Variants in EYA2 observed in about 807,000 individuals in gnomAD.
The protein encoded by EYA2 is EYA transcriptional coactivator and phosphatase 2, also known as protein phosphatase EYA2.
A neutral mutation model predicts 69.2 loss-of-function variants in EYA2; 31 were observed. That is an observed-to-expected ratio of 0.45 (90% CI 0.34 to 0.60). The LOEUF (loss-of-function observed/expected upper bound fraction) is 0.60. Ranked by LOEUF, EYA2 falls within the 20% of genes least tolerant of loss-of-function variation. The probability of loss-of-function intolerance (pLI) is 0.02; values close to 1 mark genes in which losing one functional copy is unlikely to be tolerated. For missense variants in EYA2, 622 were observed against 701.2 expected (o/e 0.89, Z 1.28); for synonymous variants, 257 against 279.4 (o/e 0.92, Z 0.80).
chr20:47,178,003 C>T (rs2034455689), intron 12 of EYA2, among the ~76,000 whole-genome samples: 1 of 152,164 alleles, frequency 6.6e-6, no homozygotes, highest in South Asian at 2.1e-4. Flanking sequence ...CTGGAGAGAT[C>T]AGGTTAGACC....
chr20:47,051,126 C>T (rs1001556506), intron 5 of EYA2, among the ~76,000 whole-genome samples: 11 of 152,268 alleles, frequency 7.2e-5, no homozygotes, highest in East Asian at 1.9e-4. Flanking sequence ...TGCCCTGGGG[C>T]GAGACCCTAG....
At chr20:47,162,100 T>C (rs2034080363) in intron 10 of EYA2, among the ~76,000 whole-genome samples, 1 of 152,112 alleles carries the variant, frequency 6.6e-6, no homozygotes, top group Non-Finnish European at 1.5e-5. Flanking sequence ...TGTCACCCGG[T>C]CTCTGTCCTC....
intron 4 of EYA2, among the ~76,000 whole-genome samples, chr20:47,009,530 TA>T (rs1488624707): frequency 6.6e-6 from 1 of 152,238 alleles, no homozygotes; most frequent in Non-Finnish European, 1.5e-5. Flanking sequence ...CCATTCAATT[TA>T]AAAAATAAAG....
At chr20:46,998,120 A>T in intron 2 of EYA2, 1 of 165,116 alleles carries the variant, frequency 6.1e-6, no homozygotes, top group South Asian at 1.7e-4. Flanking sequence ...GGCACTGCCA[A>T]GGCTGTGGCA....
rs911071731 is a variant in EYA2, at chr20:46,987,252, A to G, written c.-10-2749A>G. 3.9e-5 allele frequency among the ~76,000 whole-genome samples: 6 copies of G among 152,302 alleles called. No homozygotes were observed. The East Asian group carries it at 1.2e-3, about 29-fold the overall frequency. On this transcript the variant is annotated intron_variant, in intron 1 of 15. Transcript: ENST00000327619. ...CAGTGAGCAGGGCAGTGTTCCAATA[A>G]AACTTTACCTATGGACACTGAAATA...
chr20:47,021,646 G>C (rs1464763263), intron 5 of EYA2, among the ~76,000 whole-genome samples: 1 of 129,060 alleles, frequency 7.7e-6, no homozygotes, highest in African/African-American at 2.8e-5. Flanking sequence ...AAAAAAAAAG[G>C]CAAGAAAACA....
intron 4 of EYA2, among the ~76,000 whole-genome samples, chr20:47,011,000 G>A (rs993084764): frequency 6.6e-6 from 1 of 152,016 alleles, no homozygotes; most frequent in African/African-American, 2.4e-5. Context: ...TGTTTCCCAG[G>A]CTGATCTTGA....
chr20:47,077,630 G>A (rs1482094516), intron 7 of EYA2, among the ~76,000 whole-genome samples: 2 of 152,164 alleles, frequency 1.3e-5, no homozygotes, highest in Non-Finnish European at 2.9e-5. Context: ...CCATCACTGG[G>A]AATGAGTGAG....
At chr20:46,955,837 G>A (rs761849457) in intron 1 of EYA2, among the ~76,000 whole-genome samples, 2 of 152,182 alleles carry the variant, frequency 1.3e-5, no homozygotes, top group Non-Finnish European at 2.9e-5. Context: ...CTGAGTACAG[G>A]CATTGGCAAA....
chr20:47,001,430 A>G lies in EYA2; in HGVS notation c.112A>G (p.Ile38Val). The change falls in exon 3 of 16, where the codon ATC becomes GTC. Residue 38 changes from isoleucine (I) to valine (V), a missense_variant and splice_region_variant. Ile to Val is a conservative substitution (Grantham distance 29). This residue lies in a region of EYA2 where 365 missense variants were observed against 349.7 expected (regional missense o/e 1.04). Transcript: ENST00000327619. ...CAATTTTTCTTTTTCTCCTGCAGGC[A>G]TCACCAAATCGGCCCCCCTGAGAGT... ...AVWTLSDRQG[I>V]TKSAPLRVSQ... is the part of the protein sequence containing the mutation. 1 of 1,614,178 alleles carries G rather than the reference A, an allele frequency of 6.2e-7. No individual in the cohort carries two copies. Among genetic ancestry groups the G allele is most frequent in the Non-Finnish European group, 8.5e-7 (1 of 1,180,018 alleles).
chr20:47,028,189 G>A (rs897529464), intron 5 of EYA2, among the ~76,000 whole-genome samples: 1 of 152,206 alleles, frequency 6.6e-6, no homozygotes, highest in Non-Finnish European at 1.5e-5. Flanking sequence ...TGCAAGCCAG[G>A]AAGAAGACCT....
chr20:47,128,040 C>T (rs1382433839), intron 9 of EYA2, among the ~76,000 whole-genome samples: 1 of 152,124 alleles, frequency 6.6e-6, no homozygotes, highest in African/African-American at 2.4e-5. Context: ...GTTTTTGACT[C>T]CTAGGGTGAC....
chr20:47,128,079 G>A (rs536106686), intron 9 of EYA2, among the ~76,000 whole-genome samples: 3 of 152,314 alleles, frequency 2.0e-5, no homozygotes, highest in African/African-American at 7.2e-5. Flanking sequence ...CTACAAGTAA[G>A]TGAGGGGAAA....
At chr20:46,902,506 A>G (rs1360152572) in intron 1 of EYA2, among the ~76,000 whole-genome samples, 1 of 152,238 alleles carries the variant, frequency 6.6e-6, no homozygotes, top group African/African-American at 2.4e-5. Context: ...CTTATGCCAG[A>G]GCCAGGATTA....
rs1166937018 is a variant in EYA2 at position 47,169,130 on chromosome 20, T to G, written c.979-9T>G. The G allele has an allele frequency of 6.2e-7, 1 of 1,613,226 alleles. No homozygotes were observed. Among genetic ancestry groups the G allele is most frequent in the Non-Finnish European group, 8.5e-7 (1 of 1,179,526 alleles). ...CTCTCTCTCTCTCTCTCTGTCAAAT[T>G]TTCCATAGGATTGTGACCAGATCCA... is the stretch of plus-strand genomic sequence containing the variant. On this transcript the variant is annotated splice_polypyrimidine_tract_variant and intron_variant, in intron 10 of 15. Transcript: ENST00000327619.
Position 47,188,324 on chromosome 20 carries a change from C to A in EYA2, c.*191C>A. ...TGGGGGTTCTGAGAAGGAAAGTACCCAACATTGGCTTCGGAGTATTTGACT... is the reference window on the plus strand; with the variant it reads ...TGGGGGTTCTGAGAAGGAAAGTACCAAACATTGGCTTCGGAGTATTTGACT... On this transcript the variant is annotated 3_prime_UTR_variant, in exon 16 of 16. Coordinates refer to ENST00000327619, the MANE Select transcript of EYA2 (RefSeq NM_005244.5). 1 of 616,122 alleles carries A rather than the reference C, an allele frequency of 1.6e-6. No homozygotes were observed. The highest frequency in any genetic ancestry group is 2.9e-6 in the Non-Finnish European group (1 of 345,528). The allele number at this position is 616,122 out of a possible 1,614,324, so 38.2% of individuals were successfully genotyped here.
intron 1 of EYA2, among the ~76,000 whole-genome samples, chr20:46,955,028 T>G (rs2146280120): frequency 6.6e-6 from 1 of 152,342 alleles, no homozygotes; most frequent in African/African-American, 2.4e-5. Context: ...TGAGTTGATT[T>G]CCTGGTGCTT....
At position 46,904,309 on chromosome 20, in the gene EYA2, G is replaced by A. The variant is rs555875233; in HGVS notation, c.-11+9322G>A. Among the ~76,000 whole-genome samples the A allele has an allele frequency of 3.3e-5, 5 of 151,066 alleles. No homozygotes were observed. In the South Asian group the frequency reaches 6.3e-4, roughly 19 times the overall value. ...ATTATTACCACCCCCATTTCTTGCT[G>A]TACCCCCACCCCCAAGAAAGCACTG... is the stretch of plus-strand genomic sequence containing the variant. On this transcript the variant is annotated intron_variant, in intron 1 of 15. Coordinates refer to ENST00000327619, the MANE Select transcript of EYA2 (RefSeq NM_005244.5).
At chr20:47,002,437 G>A (rs1454705194) in intron 3 of EYA2, among the ~76,000 whole-genome samples, 9 of 152,110 alleles carry the variant, frequency 5.9e-5, no homozygotes, top group Admixed American at 5.2e-4. Flanking sequence ...GCTCTCACTT[G>A]TAAGTGAGAA....
Sources: allele counts gnomAD v4.1 joint callset (sites outside exome capture counted in the v4.1 genomes callset), GRCh38; gene constraint gnomAD v4.1.1; regional missense constraint gnomAD v4.1.1; transcripts MANE v1.5; gene names NCBI Gene and HGNC (gene_info 2026-07-23, HGNC 2026-07-21).